KHDRBS3: variants seen among roughly 807,000 people sequenced by gnomAD.
KHDRBS3 encodes KH domain-containing, RNA-binding, signal transduction-associated protein 3.
KHDRBS3 carries 23 observed loss-of-function variants against 45.6 expected under a neutral mutation model. The ratio of observed to expected loss-of-function variants is 0.50; its 90% CI spans 0.36 to 0.72. KHDRBS3 has a LOEUF of 0.72. Ranked by LOEUF, KHDRBS3 falls within the 30% of genes least tolerant of loss-of-function variation. The pLI is 0.00. For missense variants in KHDRBS3, 352 were observed against 424.8 expected (o/e 0.83, Z 1.51); for synonymous variants, 162 against 156.5 (o/e 1.04, Z -0.26).
intron 6 of KHDRBS3, among the ~76,000 whole-genome samples, chr8:135,591,999 G>A (rs1828765913): frequency 6.6e-6 from 1 of 152,194 alleles, no homozygotes; most frequent in Admixed American, 6.5e-5. Flanking sequence ...CATTTTAAAT[G>A]TGAATTGAAA....
chr8:135,517,548 CA>C (rs36075852), intron 1 of KHDRBS3, among the ~76,000 whole-genome samples: 17 of 149,650 alleles, frequency 1.1e-4, no homozygotes, highest in East Asian at 1.9e-4. Flanking sequence ...TTCTGGATTT[CA>C]AAAAAAAATT....
chr8:135,615,981 A>T (rs959821347), intron 7 of KHDRBS3, among the ~76,000 whole-genome samples: 8 of 152,218 alleles, frequency 5.3e-5, no homozygotes, highest in Non-Finnish European at 1.2e-4. Flanking sequence ...TGAAAATAAG[A>T]AGTTTTGTAT....
intron 7 of KHDRBS3, chr8:135,625,720 C>T: frequency 1.3e-6 from 1 of 764,534 alleles, no homozygotes; most frequent in Non-Finnish European, 2.4e-6. Context: ...ATTATTTTGT[C>T]AACACCCATC....
At chr8:135,632,439 C>G (rs534798838) in intron 7 of KHDRBS3, among the ~76,000 whole-genome samples, 4 of 152,038 alleles carry the variant, frequency 2.6e-5, no homozygotes, top group Non-Finnish European at 5.9e-5. Flanking sequence ...TCAGTGGTCT[C>G]ACTGTCTCAG....
rs906046886 is a variant in KHDRBS3 at position 135,622,227 on chromosome 8, A to G, written c.890+15190A>G. Among the ~76,000 whole-genome samples the G allele has an allele frequency of 8.5e-5, 13 of 152,344 alleles. No individual in the cohort carries two copies. The East Asian group carries it at 2.5e-3, about 29-fold the overall frequency. ...CAGTGCTAGAACATACGTAGTGCTC[A>G]ATAAATATTTATTGAATAAATATAG... On this transcript the variant is annotated intron_variant, in intron 7 of 8. Transcript: ENST00000355849.
intron 7 of KHDRBS3, among the ~76,000 whole-genome samples, chr8:135,610,969 AG>A (rs756696736): frequency 1.3e-5 from 2 of 151,980 alleles, no homozygotes; most frequent in African/African-American, 2.4e-5. Context: ...GAAATTAATT[AG>A]ATGACAGTTG....
chr8:135,546,408 A>G (rs1826303814), intron 3 of KHDRBS3, among the ~76,000 whole-genome samples: 1 of 152,166 alleles, frequency 6.6e-6, no homozygotes, highest in African/African-American at 2.4e-5. Flanking sequence ...TGCTACATTT[A>G]TGAAATTATG....
At chr8:135,483,629 T>C (rs892145763) in intron 1 of KHDRBS3, among the ~76,000 whole-genome samples, 4 of 152,230 alleles carry the variant, frequency 2.6e-5, no homozygotes, top group Non-Finnish European at 5.9e-5. Context: ...GAGGGTATCA[T>C]ATCCTTATGA....
At chr8:135,625,646 C>A (rs1346110272) in intron 7 of KHDRBS3, 4 of 840,866 alleles carry the variant, frequency 4.8e-6, no homozygotes, top group Non-Finnish European at 8.3e-6. Context: ...CAAAAAACTT[C>A]TTGAAACACT....
intron 1 of KHDRBS3, among the ~76,000 whole-genome samples, chr8:135,492,967 T>C (rs1334172247): frequency 2.6e-5 from 4 of 152,200 alleles, no homozygotes; most frequent in Non-Finnish European, 5.9e-5. Flanking sequence ...TATATGTCTT[T>C]ATTATTTACA....
At chr8:135,568,381 A>G (rs994065997) in intron 5 of KHDRBS3, among the ~76,000 whole-genome samples, 2 of 152,182 alleles carry the variant, frequency 1.3e-5, no homozygotes, top group African/African-American at 4.8e-5. Context: ...ATGCTTATTC[A>G]TGTACCCTCC....
At chr8:135,644,206 G>A (rs1240167258) in intron 7 of KHDRBS3, among the ~76,000 whole-genome samples, 2 of 152,182 alleles carry the variant, frequency 1.3e-5, no homozygotes, top group African/African-American at 2.4e-5. Flanking sequence ...CAAATACATT[G>A]TATATATGTA....
intron 7 of KHDRBS3, among the ~76,000 whole-genome samples, chr8:135,612,616 C>T (rs111311374): frequency 6.6e-6 from 1 of 151,834 alleles, no homozygotes; most frequent in Non-Finnish European, 1.5e-5. Context: ...TCTCTCAATT[C>T]AGAATTTGAA....
rs142274678 is a variant in KHDRBS3, at chr8:135,521,280, G to A, written c.132G>A (p.Lys44=). 3.4e-5 allele frequency: 55 copies of A among 1,613,638 alleles called. No individual in the cohort carries two copies. The East Asian group carries it at 1.2e-3, about 35-fold the overall frequency. ...AAGGAGAAGGCAAGGATGAAGAAAA[G>A]TACATCGATGTGGTGATTAATAAGA... ...FQKGEGKDEE[K]YIDVVINKNM... Residue 44 remains lysine, a synonymous_variant, in exon 2 of 9, where the codon AAG becomes AAA. Coordinates refer to ENST00000355849, the MANE Select transcript of KHDRBS3 (RefSeq NM_006558.3).
At chr8:135,535,477 A>G (rs892849312) in intron 2 of KHDRBS3, among the ~76,000 whole-genome samples, 1 of 149,978 alleles carries the variant, frequency 6.7e-6, no homozygotes, top group Non-Finnish European at 1.5e-5. Context: ...ATAGGGACTC[A>G]TAATTTCTGT....
intron 6 of KHDRBS3, among the ~76,000 whole-genome samples, chr8:135,582,655 T>C (rs970951619): frequency 6.6e-6 from 1 of 152,232 alleles, no homozygotes; most frequent in African/African-American, 2.4e-5. Context: ...AAGGGAATTC[T>C]TTGATGTCCT....
chr8:135,503,773 A>T (rs1441393868), intron 1 of KHDRBS3, among the ~76,000 whole-genome samples: 1 of 151,998 alleles, frequency 6.6e-6, no homozygotes, highest in Non-Finnish European at 1.5e-5. Context: ...CCACGTCCAT[A>T]CCCTTGTCAA....
chr8:135,590,764 G>A (rs1828707725), intron 6 of KHDRBS3, among the ~76,000 whole-genome samples: 1 of 152,128 alleles, frequency 6.6e-6, no homozygotes, highest in African/African-American at 2.4e-5. Flanking sequence ...CATCCCTTAA[G>A]ATGTGTAAAC....
chr8:135,485,867 TA>T (rs1427722626), intron 1 of KHDRBS3, among the ~76,000 whole-genome samples: 4 of 146,424 alleles, frequency 2.7e-5, no homozygotes, highest in Non-Finnish European at 6.0e-5. Flanking sequence ...TATATATATA[TA>T]TTTTATTTTT....
Sources: gnomAD v4.1 joint callset for allele counts (sites outside exome capture counted in the v4.1 genomes callset) on GRCh38, gnomAD v4.1.1 for gene constraint, MANE v1.5 for transcripts, NCBI Gene and HGNC (gene_info 2026-07-23, HGNC 2026-07-21) for gene names.